G2E3: variants seen among roughly 807,000 people sequenced by gnomAD.
G2E3 encodes the protein G2/M phase-specific E3 ubiquitin-protein ligase.
A neutral mutation model predicts 92.8 loss-of-function variants in G2E3; 35 were observed. The ratio of observed to expected loss-of-function variants is 0.38; its 90% CI spans 0.29 to 0.50. The LOEUF is 0.50. Ranked by LOEUF, G2E3 falls within the 20% of genes least tolerant of loss-of-function variation. G2E3 has a pLI of 0.94. For missense variants in G2E3, 554 were observed against 823.8 expected (o/e 0.67, Z 4.01); for synonymous variants, 242 against 272.4 (o/e 0.89, Z 1.10).
At position 30,619,701 on chromosome 14, in the gene G2E3, C is replaced by G. The variant is rs1882473949; in HGVS notation, c.*3167C>G. ...TCATAAACATATCCCAGTACCTACA[C>G]TATGCCAGGTATTATGCTAGGTGAT... On this transcript the variant is annotated 3_prime_UTR_variant, in exon 15 of 15. Coordinates refer to ENST00000206595, the MANE Select transcript of G2E3 (RefSeq NM_017769.5). 6.6e-6 allele frequency: 1 copy of G among 152,146 alleles called. No homozygotes were observed. The highest frequency in any genetic ancestry group is 6.5e-5 in the Admixed American group (1 of 15,270). The allele number at this position is 152,146 out of a possible 1,614,324, so 9.4% of individuals were successfully genotyped here.
At chr14:30,577,071 A>G (rs564770364) in intron 1 of G2E3, among the ~76,000 whole-genome samples, 4 of 152,068 alleles carry the variant, frequency 2.6e-5, no homozygotes, top group Non-Finnish European at 5.9e-5. Flanking sequence ...CTAAAAATAC[A>G]AAAATTAGCT....
In G2E3 at chr14:30,617,056, T is replaced by C. The variant is rs915317715; in HGVS notation, c.*522T>C. Reference sequence around the variant, plus strand: ...ATACTTTTCTAGGATGTCACCAAATTAGTTGTTTAAAATGTTTTTAGATTA... The same window carrying C: ...ATACTTTTCTAGGATGTCACCAAATCAGTTGTTTAAAATGTTTTTAGATTA... On this transcript the variant is annotated 3_prime_UTR_variant, in exon 15 of 15. Coordinates refer to ENST00000206595, the MANE Select transcript of G2E3 (RefSeq NM_017769.5). The C allele has an allele frequency of 2.0e-4, 31 of 152,282 alleles. No homozygotes were observed. The highest frequency in any genetic ancestry group is 7.0e-4 in the African/African-American group (29 of 41,442). 9.4% of individuals were successfully genotyped at this position (152,282 alleles called of 1,614,324 possible).
At chr14:30,563,107 G>A (rs916845717) in intron 1 of G2E3, among the ~76,000 whole-genome samples, 5 of 149,046 alleles carry the variant, frequency 3.4e-5, no homozygotes, top group African/African-American at 1.2e-4. Context: ...CTCCGCACAC[G>A]GGGAGAAAAA....
rs569740353 is a variant in G2E3 at position 30,576,871 on chromosome 14, AT to A, written c.-4-4203del. Among the ~76,000 whole-genome samples the A allele has an allele frequency of 1.6e-4, 25 of 152,288 alleles. No homozygotes were observed. The East Asian group carries it at 4.8e-3, about 29-fold the overall frequency. ...AATCAATTTCTCTTTCAAGTGCCTG[AT>A]TCCAGCATGTTTTCTGTATATTCAA... is the stretch of plus-strand genomic sequence containing the variant. On this transcript the variant is annotated intron_variant, in intron 1 of 14. Transcript: ENST00000206595.
At position 30,615,586 on chromosome 14, in the gene G2E3, T is replaced by A. The variant is rs377669237; in HGVS notation, c.1864+47T>A. 8.4e-6 allele frequency: 10 copies of A among 1,196,238 alleles called. No homozygotes were observed. In the African/African-American group the frequency reaches 1.5e-4, roughly 18 times the overall value. The allele number at this position is 1,196,238 out of a possible 1,614,324, so 74.1% of individuals were successfully genotyped here. A position where few individuals can be genotyped will look rare whatever the true frequency, so the allele number is the denominator to read the frequency against. On this transcript the variant is annotated intron_variant, in intron 14 of 14. Coordinates refer to ENST00000206595, the MANE Select transcript of G2E3 (RefSeq NM_017769.5). ...CTTTTAACGATCTCAGAATATTTGT[T>A]TCAGCATATTTGTTGGGGGTTTTAT... is the stretch of plus-strand genomic sequence containing the variant.
At chr14:30,571,319 A>C (rs765663700) in intron 1 of G2E3, among the ~76,000 whole-genome samples, 8 of 151,170 alleles carry the variant, frequency 5.3e-5, no homozygotes, top group Non-Finnish European at 8.9e-5. Context: ...TGTGATGTCT[A>C]TTTGAGTTGT....
chr14:30,593,459 A>T lies in G2E3; in HGVS notation c.363-15A>T. On this transcript the variant is annotated splice_polypyrimidine_tract_variant and intron_variant, in intron 5 of 14. Transcript: ENST00000206595. ...GCAGTTCATGAGATTTTTTTAAAAT[A>T]ATTTACATTTTTAGGTCATTTTGTT... 7.4e-7 allele frequency: 1 copy of T among 1,352,540 alleles called. No homozygotes were observed. The highest frequency in any genetic ancestry group is 1.0e-6 in the Non-Finnish European group (1 of 975,068). 83.8% of individuals were successfully genotyped at this position (1,352,540 alleles called of 1,614,324 possible). A position where few individuals can be genotyped will look rare whatever the true frequency, so the allele number is the denominator to read the frequency against.
intron 4 of G2E3, among the ~76,000 whole-genome samples, chr14:30,590,342 CAA>C (rs924633251): frequency 8.5e-5 from 13 of 152,200 alleles, no homozygotes; most frequent in African/African-American, 2.9e-4. Context: ...CCACAGATGC[CAA>C]AGTCTTGAGG....
chr14:30,585,878 T>G (rs1175185921), intron 2 of G2E3, among the ~76,000 whole-genome samples: 1 of 152,208 alleles, frequency 6.6e-6, no homozygotes, highest in East Asian at 1.9e-4. Context: ...TTGGGTCATT[T>G]CTGAGTATGT....
At chr14:30,580,646 G>A (rs1480523777) in intron 1 of G2E3, among the ~76,000 whole-genome samples, 1 of 152,220 alleles carries the variant, frequency 6.6e-6, no homozygotes, top group Non-Finnish European at 1.5e-5. Flanking sequence ...TGACATAGGA[G>A]TTGTAGTTCT....
intron 3 of G2E3, among the ~76,000 whole-genome samples, chr14:30,588,990 A>C (rs1267919475): frequency 1.3e-5 from 2 of 152,124 alleles, no homozygotes; most frequent in African/African-American, 2.4e-5. Context: ...AATGTCACTG[A>C]ATTAATCTGA....
intron 1 of G2E3, among the ~76,000 whole-genome samples, chr14:30,564,008 C>T (rs1029714817): frequency 3.9e-5 from 6 of 152,108 alleles, no homozygotes; most frequent in Admixed American, 2.0e-4. Flanking sequence ...CGTGAGCCAC[C>T]GCGCCCAGCC....
chr14:30,605,793 C>A lies in G2E3; in HGVS notation c.1299C>A (p.Asn433Lys). Residue 433 changes from asparagine (N) to lysine (K), a missense_variant, in exon 11 of 15, where the codon AAC becomes AAA. This residue lies in a region of G2E3 where 397 missense variants were observed against 560.3 expected (regional missense o/e 0.71). Coordinates refer to ENST00000206595, the MANE Select transcript of G2E3 (RefSeq NM_017769.5). ...SSLFEGSLSKNLSLNSQALKE... is the reference protein window; with the variant it reads ...SSLFEGSLSKKLSLNSQALKE... ...TGTTTGAAGGGTCCTTGTCAAAGAACTTGTCTCTAAATTCTCAAGGTAATT... is the reference window on the plus strand; with the variant it reads ...TGTTTGAAGGGTCCTTGTCAAAGAAATTGTCTCTAAATTCTCAAGGTAATT... The A allele has an allele frequency of 6.5e-7, 1 of 1,547,070 alleles. No individual in the cohort carries two copies. The highest frequency in any genetic ancestry group is 8.7e-7 in the Non-Finnish European group (1 of 1,145,872).
chr14:30,571,725 C>A (rs1440617723), intron 1 of G2E3, among the ~76,000 whole-genome samples: 4 of 151,990 alleles, frequency 2.6e-5, no homozygotes, highest in Admixed American at 1.3e-4. Context: ...AAGCAATTGT[C>A]TGGGTCTGTT....
At chr14:30,593,373 A>T in intron 5 of G2E3, 101 bp from the exon 6 acceptor site, 2 of 613,228 alleles carry the variant, frequency 3.3e-6, no homozygotes, top group Non-Finnish European at 5.6e-6. Context: ...GAATTATGAG[A>T]CAGACACAAA....
intron 1 of G2E3, chr14:30,573,470 G>A (rs1879896082): frequency 6.6e-6 from 1 of 151,652 alleles, no homozygotes; most frequent in South Asian, 2.1e-4. Flanking sequence ...GAAGGAGAGG[G>A]AAGGATTGAT....
At chr14:30,579,824 C>T (rs1880327040) in intron 1 of G2E3, among the ~76,000 whole-genome samples, 2 of 152,252 alleles carry the variant, frequency 1.3e-5, no homozygotes, top group South Asian at 2.1e-4. Flanking sequence ...TACCTAGTGG[C>T]ATTATTATGT....
chr14:30,586,059 G>A (rs1294130878), intron 2 of G2E3, among the ~76,000 whole-genome samples: 1 of 152,174 alleles, frequency 6.6e-6, no homozygotes, highest in East Asian at 1.9e-4. Context: ...GGCTGCTACA[G>A]CTAGTATATT....
In G2E3 at chr14:30,597,436, C is replaced by T. The variant is rs746122872; in HGVS notation, c.545C>T (p.Ala182Val). The T allele has an allele frequency of 1.3e-5, 20 of 1,572,508 alleles. No individual in the cohort carries two copies. The highest frequency in any genetic ancestry group is 3.3e-5 in the Admixed American group (2 of 59,836). Residue 182 changes from alanine to valine, a missense_variant, in exon 7 of 15, where the codon GCG becomes GTG. Physicochemically the swap from Ala to Val is moderately conservative, Grantham distance 64. Around this residue, in one of 3 missense-constraint regions of G2E3, gnomAD observed 20 missense variants for 62.3 expected, o/e 0.32. Coordinates refer to ENST00000206595, the MANE Select transcript of G2E3 (RefSeq NM_017769.5). Reference sequence around the variant, plus strand: ...CCACTGTAGGTTCAAGCAATAAATGCGGGAGTGTTTTTCTTTAGGTGTACA... The same window carrying T: ...CCACTGTAGGTTCAAGCAATAAATGTGGGAGTGTTTTTCTTTAGGTGTACA... ...RDCLQVQAIN[A>V]GVFFFRCTIC... is the part of the protein sequence containing the mutation.
Sources: gnomAD v4.1 joint callset for allele counts (sites outside exome capture counted in the v4.1 genomes callset) on GRCh38, gnomAD v4.1.1 for gene constraint, gnomAD v4.1.1 regional missense constraint, MANE v1.5 for transcripts, NCBI Gene and HGNC (gene_info 2026-07-23, HGNC 2026-07-21) for gene names.